The following CDH13 variants were observed in gnomAD, a reference collection of about 807,000 sequenced individuals.
The protein encoded by CDH13 is cadherin 13.
Under a neutral mutation model 63.8 loss-of-function variants are expected in CDH13, and 24 were observed. The ratio of observed to expected loss-of-function variants is 0.38; its 90% confidence interval spans 0.27 to 0.53. The LOEUF is 0.53. Ranked by LOEUF, CDH13 falls within the 20% of genes least tolerant of loss-of-function variation. The pLI is 0.85. For missense variants in CDH13, 1,049 were observed against 903.1 expected (o/e 1.16, Z -2.07); for synonymous variants, 503 against 355.3 (o/e 1.42, Z -4.67).
intron 2 of CDH13, among the ~76,000 whole-genome samples, chr16:82,990,890 C>A (rs1413448238): frequency 6.6e-6 from 1 of 152,176 alleles, no homozygotes; most frequent in Non-Finnish European, 1.5e-5. Context: ...AGCACCAAGG[C>A]TCATACATAT....
chr16:83,179,263 T>A (rs1373592701), intron 4 of CDH13, among the ~76,000 whole-genome samples: 1 of 152,096 alleles, frequency 6.6e-6, no homozygotes, highest in Non-Finnish European at 1.5e-5. Context: ...TTGTGTTCCA[T>A]GCAGTGTCCC....
At chr16:82,854,302 G>A (rs942895795) in intron 1 of CDH13, among the ~76,000 whole-genome samples, 3 of 151,580 alleles carry the variant, frequency 2.0e-5, no homozygotes, top group African/African-American at 7.3e-5. Flanking sequence ...TTGGGAGGCT[G>A]AGGCAGGAGA....
chr16:82,709,394 G>T (rs1041659531), intron 1 of CDH13, among the ~76,000 whole-genome samples: 3 of 152,164 alleles, frequency 2.0e-5, no homozygotes, highest in African/African-American at 7.2e-5. Flanking sequence ...TAAAGCAACA[G>T]ATATGAAGCA....
intron 2 of CDH13, among the ~76,000 whole-genome samples, chr16:82,917,423 A>G (rs2042024227): frequency 6.6e-6 from 1 of 152,196 alleles, no homozygotes; most frequent in Non-Finnish European, 1.5e-5. Context: ...AGAAAGAAAG[A>G]TTCTTCACAG....
At chr16:83,384,622 G>A (rs1458776952) in intron 6 of CDH13, among the ~76,000 whole-genome samples, 1 of 152,192 alleles carries the variant, frequency 6.6e-6, no homozygotes, top group African/African-American at 2.4e-5. Flanking sequence ...GGTCACTCTG[G>A]CACTTGCATG....
At chr16:83,239,319 C>T (rs1904295361) in intron 5 of CDH13, among the ~76,000 whole-genome samples, 1 of 152,138 alleles carries the variant, frequency 6.6e-6, no homozygotes, top group South Asian at 2.1e-4. Context: ...ACCGCCTGGG[C>T]ACTTTGTCAA....
Position 82,860,401 on chromosome 16 carries a change from G to A in CDH13, c.157+1928G>A, listed in dbSNP as rs554393765. ...TGTGTGTGTGTGTGGGGGGGGGGGC[G>A]GCGGTGTGCGTGTGTGCTTTAATCC... On this transcript the variant is annotated intron_variant, in intron 2 of 13. Coordinates refer to ENST00000567109, the MANE Select transcript of CDH13 (RefSeq NM_001257.5). Among the ~76,000 whole-genome samples the A allele has an allele frequency of 9.5e-4, 134 of 140,696 alleles. 3 individuals are homozygous for A. In the East Asian group the frequency reaches 0.026, roughly 27 times the overall value. 92.3% of individuals were successfully genotyped at this position (140,696 alleles called of 152,430 possible). A position where few individuals can be genotyped will look rare whatever the true frequency, so the allele number is the denominator to read the frequency against.
At chr16:83,183,525 C>T (rs770537559) in intron 4 of CDH13, among the ~76,000 whole-genome samples, 44 of 152,286 alleles carry the variant, frequency 2.9e-4, no homozygotes, top group Non-Finnish European at 4.9e-4. Flanking sequence ...ATCACCATAG[C>T]CTCAACTGGT....
At chr16:83,215,760 C>G (rs1039112046) in intron 4 of CDH13, among the ~76,000 whole-genome samples, 2 of 152,086 alleles carry the variant, frequency 1.3e-5, no homozygotes, top group East Asian at 3.9e-4. Flanking sequence ...GGTGCCTGTT[C>G]GTTTGTAATT....
intron 7 of CDH13, among the ~76,000 whole-genome samples, chr16:83,590,125 A>T (rs919183556): frequency 4.6e-5 from 7 of 152,076 alleles, no homozygotes; most frequent in Non-Finnish European, 7.4e-5. Flanking sequence ...TGCTTGAAAA[A>T]CTCAGACATT....
At position 82,865,996 on chromosome 16, in the gene CDH13, A is replaced by G. The variant is rs534228529; in HGVS notation, c.157+7523A>G. Among the ~76,000 whole-genome samples the G allele has an allele frequency of 6.8e-3, 1,036 of 152,258 alleles. 10 individuals carry two copies. Among genetic ancestry groups the G allele is most frequent in the Non-Finnish European group, 8.6e-3 (586 of 68,024 alleles). On this transcript the variant is annotated intron_variant, in intron 2 of 13. Transcript: ENST00000567109. ...AAATTTCTTCTGCCAGATACCCTAA[A>G]TCACCTCTCTCAAGTTCAAAATTCT...
At chr16:82,991,217 T>C (rs1911614423) in intron 2 of CDH13, among the ~76,000 whole-genome samples, 1 of 152,244 alleles carries the variant, frequency 6.6e-6, no homozygotes. Flanking sequence ...GCATTATTAA[T>C]GACACATTCA....
intron 7 of CDH13, among the ~76,000 whole-genome samples, chr16:83,557,301 A>G (rs2075624288): frequency 6.6e-6 from 1 of 152,180 alleles, no homozygotes; most frequent in Admixed American, 6.5e-5. Flanking sequence ...CGAGTTGTAT[A>G]ATTATTTCAT....
intron 7 of CDH13, among the ~76,000 whole-genome samples, chr16:83,545,876 G>A (rs11644769): frequency 0.099 from 15,063 of 152,122 alleles, 988 homozygotes; most frequent in Non-Finnish European, 0.15. Context: ...TTCTTTGAGC[G>A]TATTCATTCA....
At chr16:83,720,542 A>T (rs572489410) in intron 10 of CDH13, among the ~76,000 whole-genome samples, 2 of 152,092 alleles carry the variant, frequency 1.3e-5, no homozygotes, top group Non-Finnish European at 2.9e-5. Context: ...TAGGAGTTCG[A>T]GGACAGCCTG....
chr16:83,470,497 C>G (rs2073426344), intron 6 of CDH13, among the ~76,000 whole-genome samples: 1 of 152,156 alleles, frequency 6.6e-6, no homozygotes, highest in Non-Finnish European at 1.5e-5. Flanking sequence ...TTCTGAAATT[C>G]TTCATTTTAG....
intron 3 of CDH13, among the ~76,000 whole-genome samples, chr16:83,050,952 C>G (rs954935928): frequency 6.6e-6 from 1 of 152,192 alleles, no homozygotes; most frequent in African/African-American, 2.4e-5. Context: ...CTTTCTCTCT[C>G]TCCCATGTGG....
At chr16:82,858,684 T>G (rs922670060) in intron 2 of CDH13, 13 of 612,186 alleles carry the variant, frequency 2.1e-5, no homozygotes, top group Non-Finnish European at 3.5e-5. Context: ...TTTTTAGTAT[T>G]TTATCATCAG....
chr16:83,245,921 G>A, intron 5 of CDH13, among the ~76,000 whole-genome samples: 1 of 151,970 alleles, frequency 6.6e-6, no homozygotes, highest in East Asian at 1.9e-4. Flanking sequence ...ATTTTTTGTA[G>A]AGACTAGGTC....
Sources: gnomAD v4.1 joint callset for allele counts (sites outside exome capture counted in the v4.1 genomes callset) on GRCh38, gnomAD v4.1.1 for gene constraint, MANE v1.5 for transcripts, NCBI Gene and HGNC (gene_info 2026-07-23, HGNC 2026-07-21) for gene names.